The following WDR26 variants were observed in gnomAD, a reference collection of about 807,000 sequenced individuals.
WDR26 encodes the protein WD repeat-containing protein 26.
A neutral mutation model predicts 84.1 loss-of-function variants in WDR26; 5 were observed. That is an observed-to-expected ratio of 0.06 (90% CI 0.03 to 0.13). WDR26 has a LOEUF of 0.13. Ranked by LOEUF, WDR26 falls within the 10% of genes least tolerant of loss-of-function variation. WDR26 has a pLI of 1.00. For synonymous variants in WDR26, 415 were observed against 389.6 expected (o/e 1.07, Z -0.77); for missense variants, 642 against 974.9 (o/e 0.66, Z 4.55).
intron 12 of WDR26, 148 bp from the exon 13 acceptor site, chr1:224,394,161 G>GA (rs1464288286): frequency 1.6e-5 from 9 of 578,816 alleles, no homozygotes; most frequent in Non-Finnish European, 2.4e-5. Context: ...GTTACCTTAT[G>GA]AAAAAATGTT....
chr1:224,420,741 C>T (rs1020403114), intron 4 of WDR26, among the ~76,000 whole-genome samples: 8 of 152,088 alleles, frequency 5.3e-5, no homozygotes, highest in Non-Finnish European at 7.4e-5. Context: ...TACTCAAAAA[C>T]GCTATAGGAA....
chr1:224,392,276 G>T (rs1249178519), intron 13 of WDR26, among the ~76,000 whole-genome samples: 1 of 151,896 alleles, frequency 6.6e-6, no homozygotes, highest in Non-Finnish European at 1.5e-5. Context: ...CAGGAGAATG[G>T]CGTGAACCCA....
At chr1:224,413,748 C>T (rs1673805216) in intron 6 of WDR26, among the ~76,000 whole-genome samples, 1 of 152,192 alleles carries the variant, frequency 6.6e-6, no homozygotes, top group Non-Finnish European at 1.5e-5. Context: ...CACTGCTGGA[C>T]AAAATTCCAA....
intron 7 of WDR26, among the ~76,000 whole-genome samples, chr1:224,407,151 A>AAAAAAAAAGAATATATATATATAT: frequency 8.4e-5 from 1 of 11,868 alleles, no homozygotes; most frequent in Non-Finnish European, 1.4e-4. Context: ...AAAAAAAAAA[A>AAAAAAAAAGAATATATATATATAT]ATATATATAT....
At chr1:224,425,558 T>C (rs1177860629) in intron 3 of WDR26, among the ~76,000 whole-genome samples, 5 of 152,250 alleles carry the variant, frequency 3.3e-5, no homozygotes, top group African/African-American at 1.2e-4. Context: ...ATTATTTTAC[T>C]TTTAACTTGA....
At chr1:224,399,922 T>C (rs1051990802) in intron 9 of WDR26, among the ~76,000 whole-genome samples, 22 of 152,088 alleles carry the variant, frequency 1.4e-4, no homozygotes, top group African/African-American at 5.3e-4. Flanking sequence ...CAGTGAGCCA[T>C]GATCACACCA....
intron 5 of WDR26, among the ~76,000 whole-genome samples, chr1:224,419,037 T>G (rs1673983324): frequency 6.6e-6 from 1 of 152,150 alleles, no homozygotes; most frequent in Admixed American, 6.5e-5. Context: ...ACATCAAAAT[T>G]ATAGAATCAT....
chr1:224,428,222 C>T (rs1674285717), intron 3 of WDR26, among the ~76,000 whole-genome samples: 1 of 152,138 alleles, frequency 6.6e-6, no homozygotes, highest in African/African-American at 2.4e-5. Flanking sequence ...CCTTTGCTCC[C>T]ATATTATTAA....
chr1:224,390,807 T>A (rs550705774), intron 13 of WDR26, among the ~76,000 whole-genome samples: 1 of 152,144 alleles, frequency 6.6e-6, no homozygotes, highest in South Asian at 2.1e-4. Context: ...AAAACAAAAG[T>A]GTAAAATCAA....
chr1:224,411,502 A>G lies in WDR26; in HGVS notation c.1383T>C (p.Cys461=). 6.2e-7 allele frequency: 1 copy of G among 1,613,564 alleles called. No homozygotes were observed. Among genetic ancestry groups the G allele is most frequent in the African/African-American group, 1.3e-5 (1 of 75,048 alleles). ...GTTTAGTGCCATCATTAGAGAATTT[A>G]CAGAACCACACTTCATTACAATGCT... Residue 461 remains cysteine, a synonymous_variant, in exon 7 of 14, where the codon TGT becomes TGC. Transcript: ENST00000414423.
intron 13 of WDR26, among the ~76,000 whole-genome samples, chr1:224,390,454 ATAGT>A (rs1402935869): frequency 1.3e-5 from 2 of 152,244 alleles, no homozygotes; most frequent in Admixed American, 6.5e-5. Context: ...TAACCTTGAG[ATAGT>A]TAGCAGAATA....
intron 6 of WDR26, among the ~76,000 whole-genome samples, chr1:224,412,492 C>T (rs1207189684): frequency 6.6e-6 from 1 of 152,164 alleles, no homozygotes; most frequent in East Asian, 1.9e-4. Flanking sequence ...TGACTATAAA[C>T]CATTTAGACT....
At chr1:224,421,561 G>A (rs530608409) in intron 4 of WDR26, among the ~76,000 whole-genome samples, 9 of 152,256 alleles carry the variant, frequency 5.9e-5, no homozygotes, top group Non-Finnish European at 1.0e-4. Context: ...CTACACTGCA[G>A]CATGGATAAT....
intron 4 of WDR26, among the ~76,000 whole-genome samples, chr1:224,422,926 A>C (rs1419782740): frequency 6.6e-6 from 1 of 152,220 alleles, no homozygotes; most frequent in African/African-American, 2.4e-5. Context: ...TCTTCCCTTA[A>C]GCAACTGGGT....
chr1:224,394,369 C>T (rs1020641089), intron 12 of WDR26, among the ~76,000 whole-genome samples: 1 of 152,072 alleles, frequency 6.6e-6, no homozygotes, highest in South Asian at 2.1e-4. Flanking sequence ...GCAATGTATC[C>T]AAATTGAATA....
At position 224,388,871 on chromosome 1, in the gene WDR26, CAT is replaced by C. The variant is rs1673051176; in HGVS notation, c.*962_*963del. 6.6e-6 allele frequency: 1 copy of C among 152,582 alleles called. No individual in the cohort carries two copies. The allele number at this position is 152,582 out of a possible 1,614,324, so 9.5% of individuals were successfully genotyped here. A position where few individuals can be genotyped will look rare whatever the true frequency, so the allele number is the denominator to read the frequency against. On this transcript the variant is annotated 3_prime_UTR_variant, in exon 14 of 14. Transcript: ENST00000414423. ...GAAAACCAACTGACTACTGATGTCT[CAT>C]GTTGGTGTATTTAAAATTCTTTTTG... is the stretch of plus-strand genomic sequence containing the variant.
intron 8 of WDR26, among the ~76,000 whole-genome samples, chr1:224,403,670 C>T (rs1673479047): frequency 6.6e-6 from 1 of 152,192 alleles, no homozygotes; most frequent in South Asian, 2.1e-4. Context: ...GGCACGGTGG[C>T]TCACGCCTGT....
At chr1:224,403,053 A>C (rs1220156676) in intron 8 of WDR26, among the ~76,000 whole-genome samples, 1 of 152,112 alleles carries the variant, frequency 6.6e-6, no homozygotes. Context: ...TATATATGTA[A>C]GTACAAATGC....
At chr1:224,397,205 G>A (rs1673291084) in intron 12 of WDR26, among the ~76,000 whole-genome samples, 1 of 152,066 alleles carries the variant, frequency 6.6e-6, no homozygotes, top group Non-Finnish European at 1.5e-5. Context: ...TGCCCAGGTT[G>A]GTCTGGAACT....
Sources: allele counts gnomAD v4.1 joint callset (sites outside exome capture counted in the v4.1 genomes callset), GRCh38; gene constraint gnomAD v4.1.1; transcripts MANE v1.5; gene names NCBI Gene and HGNC (gene_info 2026-07-23, HGNC 2026-07-21).